The following MPDZ variants were observed in gnomAD, a reference collection of about 807,000 sequenced individuals.
The protein encoded by MPDZ is multiple PDZ domain protein.
Under a neutral mutation model 239.1 loss-of-function variants are expected in MPDZ, and 234 were observed. The ratio of observed to expected loss-of-function variants is 0.98; its 90% CI spans 0.88 to 1.09. The LOEUF is 1.09. MPDZ is among the 50% of genes least tolerant of loss of function. MPDZ has a pLI of 0.00. For missense variants in MPDZ, 3,175 were observed against 2,510.0 expected, an observed-to-expected ratio of 1.26 and a Z score of -5.66; for synonymous variants, 1,048 against 881.3, an observed-to-expected ratio of 1.19 and a Z score of -3.35.
In MPDZ at chr9:13,217,269, T is replaced by G. The variant is rs1426577951; in HGVS notation, c.1112A>C (p.Glu371Ala). The G allele has an allele frequency of 1.3e-6, 2 of 1,599,424 alleles. No individual in the cohort carries two copies. The highest frequency in any genetic ancestry group is 2.3e-5 in the South Asian group (2 of 88,732). Residue 371 changes from glutamate to alanine, a missense_variant, in exon 9 of 47, where the codon GAA becomes GCA. Transcript: ENST00000319217. ...TTCTACATCAAATGTCTCACTTTCT[T>G]CACCTTTCTGAGTAGAAGCATCAAC... ...LRVDASTQKG[E>A]ESETFDVELT...
rs771592707 is a variant in MPDZ, at chr9:13,176,303, T to G, written c.2764A>C (p.Ser922Arg). ...GTAAAGCCAGAAGCAGGCCCCATACTTATGTCCACCGAAGGTGTATTCTCA... is the reference window on the plus strand; with the variant it reads ...GTAAAGCCAGAAGCAGGCCCCATACGTATGTCCACCGAAGGTGTATTCTCA... ...QDENTPSVDI[S>R]MGPASGFTIN... Residue 922 changes from serine to arginine, a missense_variant, in exon 20 of 47, where the codon AGT becomes CGT. Coordinates refer to ENST00000319217, the MANE Select transcript of MPDZ (RefSeq NM_001378778.1). 5.6e-6 allele frequency: 9 copies of G among 1,610,328 alleles called. No homozygotes were observed. Among genetic ancestry groups the G allele is most frequent in the Non-Finnish European group, 7.6e-6 (9 of 1,178,068 alleles).
intron 1 of MPDZ, among the ~76,000 whole-genome samples, chr9:13,275,543 C>A (rs1040618801): frequency 2.0e-5 from 3 of 152,088 alleles, no homozygotes; most frequent in Non-Finnish European, 4.4e-5. Flanking sequence ...GATTTTGGTA[C>A]CAGGAAATGG....
Position 13,113,005 on chromosome 9 carries a change from A to C in MPDZ, c.5601+6T>G, listed in dbSNP as rs371434505. 47 of 1,581,990 alleles carry C rather than the reference A, an allele frequency of 3.0e-5. No individual in the cohort carries two copies. Among genetic ancestry groups the C allele is most frequent in the Admixed American group, 5.4e-5 (3 of 55,560 alleles). Reference sequence around the variant, plus strand: ...GGGTTTATATTGTTTTCTCTCCCCAAGTTACCTTTTTCATTTCGACTGTTC... The same window carrying C: ...GGGTTTATATTGTTTTCTCTCCCCACGTTACCTTTTTCATTTCGACTGTTC... On this transcript the variant is annotated splice_donor_region_variant and intron_variant, in intron 42 of 46. Transcript: ENST00000319217.
chr9:13,187,459 C>T lies in MPDZ; in HGVS notation c.2365-1073G>A, dbSNP rs1201097553. ...AATAAATAGGTAGAGTCCCTGATAG[C>T]CTATCTTTATTCTTACATTCCCATC... On this transcript the variant is annotated intron_variant, in intron 17 of 46. Transcript: ENST00000319217. 2.6e-5 allele frequency among the ~76,000 whole-genome samples: 4 copies of T among 152,210 alleles called. No homozygotes were observed. In the East Asian group the frequency reaches 5.8e-4, roughly 22 times the overall value.
intron 43 of MPDZ, among the ~76,000 whole-genome samples, 154 bp from the exon 44 acceptor site, chr9:13,110,894 A>G (rs985722698): frequency 7.2e-5 from 11 of 152,226 alleles, no homozygotes; most frequent in African/African-American, 2.7e-4. Flanking sequence ...TAATTCCAAG[A>G]AGTCCAAAAA....
At chr9:13,124,457 C>T (rs532697121) in intron 35 of MPDZ, among the ~76,000 whole-genome samples, 2 of 152,264 alleles carry the variant, frequency 1.3e-5, no homozygotes, top group South Asian at 2.1e-4. Context: ...CCCTCCACCC[C>T]CCGTTACAGA....
At chr9:13,128,333 A>G (rs1406634503) in intron 32 of MPDZ, among the ~76,000 whole-genome samples, 1 of 152,226 alleles carries the variant, frequency 6.6e-6, no homozygotes, top group Non-Finnish European at 1.5e-5. Flanking sequence ...TTGCTCTGCA[A>G]GATGCCAGCT....
Position 13,176,366 on chromosome 9 carries a change from C to T in MPDZ, c.2701G>A (p.Glu901Lys). ...AGGAGATTCTGGGTATATAGTTCCT[C>T]CAGAGACATATGCAGATCAAGTACT... Reference protein sequence around the residue: ...DPVLDLHMSLEELYTQNLLQR... With the variant: ...DPVLDLHMSLKELYTQNLLQR... The change falls in exon 20 of 47, where the codon GAG becomes AAG. Residue 901 changes from glutamate to lysine, a missense_variant. Physicochemically the swap from Glu to Lys is moderately conservative, Grantham distance 56. Coordinates refer to ENST00000319217, the MANE Select transcript of MPDZ (RefSeq NM_001378778.1). 1 of 1,605,408 alleles carries T rather than the reference C, an allele frequency of 6.2e-7. No homozygotes were observed. Among genetic ancestry groups the T allele is most frequent in the South Asian group, 1.1e-5 (1 of 89,326 alleles).
intron 1 of MPDZ, among the ~76,000 whole-genome samples, chr9:13,263,968 C>T (rs1971258402): frequency 6.6e-6 from 1 of 152,094 alleles, no homozygotes; most frequent in Non-Finnish European, 1.5e-5. Context: ...TAAACATACA[C>T]AGATCAAAAT....
At chr9:13,213,731 C>G (rs981647913) in intron 10 of MPDZ, among the ~76,000 whole-genome samples, 2 of 151,990 alleles carry the variant, frequency 1.3e-5, no homozygotes, top group East Asian at 1.9e-4. Context: ...GATTCTTCCA[C>G]CTTTGCATCA....
Position 13,106,785 on chromosome 9 carries a change from G to A in MPDZ, c.*180C>T, listed in dbSNP as rs1941524688. On this transcript the variant is annotated 3_prime_UTR_variant, in exon 47 of 47. Transcript: ENST00000319217. ...CAAAATGCAAGAAGAAAAGAAAAAT[G>A]ATGTTAGGTTGTCAGTAAGGAAAGC... is the stretch of plus-strand genomic sequence containing the variant. 1.9e-5 allele frequency: 11 copies of A among 594,048 alleles called. No homozygotes were observed. The allele number at this position is 594,048 out of a possible 1,614,324, so 36.8% of individuals were successfully genotyped here. A position where few individuals can be genotyped will look rare whatever the true frequency, so the allele number is the denominator to read the frequency against.
Position 13,195,913 on chromosome 9 carries a change from C to T in MPDZ, c.1656+208G>A, listed in dbSNP as rs1955575566. 2.6e-5 allele frequency among the ~76,000 whole-genome samples: 4 copies of T among 152,176 alleles called. No homozygotes were observed. The South Asian group carries it at 8.3e-4, about 32-fold the overall frequency. On this transcript the variant is annotated intron_variant, in intron 13 of 46. Coordinates refer to ENST00000319217, the MANE Select transcript of MPDZ (RefSeq NM_001378778.1). ...TGATAAAATGCAAGTTTCAAAACTT[C>T]CATCCCATTTATTTCAGTTCGTTAC... is the stretch of plus-strand genomic sequence containing the variant.
chr9:13,112,316 G>A (rs927693219), intron 42 of MPDZ, among the ~76,000 whole-genome samples, 170 bp from the exon 43 acceptor site: 5 of 152,182 alleles, frequency 3.3e-5, no homozygotes, highest in Non-Finnish European at 7.3e-5. Context: ...GCTTAGCGTG[G>A]CTTAGGAAAA....
At chr9:13,202,204 C>T (rs935824855) in intron 12 of MPDZ, among the ~76,000 whole-genome samples, 2 of 152,148 alleles carry the variant, frequency 1.3e-5, no homozygotes, top group African/African-American at 4.8e-5. Flanking sequence ...AACTAAAACA[C>T]TTCCCTGGAA....
Position 13,223,649 on chromosome 9 carries a change from A to G in MPDZ, c.455T>C (p.Val152Ala), listed in dbSNP as rs907898183. The G allele has an allele frequency of 9.9e-6, 16 of 1,612,172 alleles. No homozygotes were observed. The African/African-American group carries it at 1.5e-4, about 15-fold the overall frequency. Residue 152 changes from valine (V) to alanine (A), a missense_variant, in exon 5 of 47, where the codon GTT becomes GCT. By Grantham distance (64) the Val-to-Ala change is moderately conservative. Transcript: ENST00000319217. ...KPPSGGLGFS[V>A]VGLRSENRGE... ...TCTGTTTTCACTTCTTAGTCCCACA[A>G]CACTAAACCCAAGGCCTCCAGATGG...
intron 18 of MPDZ, among the ~76,000 whole-genome samples, chr9:13,184,413 T>G (rs1019957218): frequency 6.6e-6 from 1 of 151,958 alleles, no homozygotes; most frequent in African/African-American, 2.4e-5. Context: ...CCATATGTTC[T>G]AATTTTTTTT....
intron 20 of MPDZ, 123 bp downstream of exon 20, chr9:13,176,013 T>C (rs963375675): frequency 7.1e-7 from 1 of 1,417,454 alleles, no homozygotes; most frequent in South Asian, 1.5e-5. Context: ...AGTTCATAGG[T>C]TGCCTTCTGA....
chr9:13,272,255 C>A (rs1973152538), intron 1 of MPDZ, among the ~76,000 whole-genome samples: 1 of 152,182 alleles, frequency 6.6e-6, no homozygotes, highest in Admixed American at 6.5e-5. Context: ...TTGACTTTAG[C>A]ATCCAACAGA....
chr9:13,259,512 T>A (rs1332134556), intron 1 of MPDZ, among the ~76,000 whole-genome samples: 1 of 151,932 alleles, frequency 6.6e-6, no homozygotes, highest in Non-Finnish European at 1.5e-5. Context: ...TACAAGTGAA[T>A]GAAAGGAAAA....
Sources: gnomAD v4.1 joint callset for allele counts (sites outside exome capture counted in the v4.1 genomes callset) on GRCh38, gnomAD v4.1.1 for gene constraint, MANE v1.5 for transcripts, NCBI Gene and HGNC (gene_info 2026-07-23, HGNC 2026-07-21) for gene names.